Variants in PRKAR2A observed in about 807,000 individuals in gnomAD.
PRKAR2A encodes the protein cAMP-dependent protein kinase type II-alpha regulatory subunit.
Under a neutral mutation model 51.9 loss-of-function variants are expected in PRKAR2A, and 29 were observed. The observed-to-expected ratio is 0.56, with a 90% CI of 0.42 to 0.76. The LOEUF is 0.76. Ranked by LOEUF, PRKAR2A falls within the 30% of genes least tolerant of loss-of-function variation. The pLI is 0.00. For missense variants in PRKAR2A, 445 were observed against 512.1 expected, an observed-to-expected ratio of 0.87 and a Z score of 1.26; for synonymous variants, 178 against 186.2, an observed-to-expected ratio of 0.96 and a Z score of 0.36.
intron 6 of PRKAR2A, among the ~76,000 whole-genome samples, chr3:48,769,327 T>G (rs1403284223): frequency 2.0e-5 from 3 of 150,996 alleles, no homozygotes; most frequent in Non-Finnish European, 3.0e-5. Context: ...CCGGCTAATT[T>G]TTTGTATTTT....
At chr3:48,762,801 T>C (rs949614299) in intron 8 of PRKAR2A, among the ~76,000 whole-genome samples, 32 of 152,088 alleles carry the variant, frequency 2.1e-4, no homozygotes, top group African/African-American at 7.5e-4. Flanking sequence ...TGAAATATTA[T>C]TAGCAATAAA....
intron 3 of PRKAR2A, among the ~76,000 whole-genome samples, chr3:48,793,011 AC>A (rs1201035950): frequency 6.6e-6 from 1 of 150,964 alleles, no homozygotes; most frequent in Admixed American, 6.6e-5. Flanking sequence ...TTTTAAAAGC[AC>A]CCAAAAATCA....
intron 1 of PRKAR2A, among the ~76,000 whole-genome samples, chr3:48,843,299 T>A (rs1362887292): frequency 6.6e-6 from 1 of 152,056 alleles, no homozygotes; most frequent in Non-Finnish European, 1.5e-5. Flanking sequence ...ATTCTTCTCT[T>A]TTTTTCTTTA....
At chr3:48,783,943 A>G (rs2082248101) in intron 4 of PRKAR2A, among the ~76,000 whole-genome samples, 1 of 152,104 alleles carries the variant, frequency 6.6e-6, no homozygotes, top group African/African-American at 2.4e-5. Flanking sequence ...AATTTTTATG[A>G]CCAAAGGAAA....
intron 6 of PRKAR2A, among the ~76,000 whole-genome samples, chr3:48,770,927 C>T (rs1352116596): frequency 6.6e-6 from 1 of 152,178 alleles, no homozygotes; most frequent in Non-Finnish European, 1.5e-5. Flanking sequence ...TAGAGATTAT[C>T]CAAGAATGGG....
intron 2 of PRKAR2A, among the ~76,000 whole-genome samples, chr3:48,796,547 T>A (rs2082493986): frequency 6.6e-6 from 1 of 152,076 alleles, no homozygotes; most frequent in East Asian, 1.9e-4. Flanking sequence ...CAGGCTGGAG[T>A]GCAGTGGTGT....
At chr3:48,832,934 AT>A (rs895881147) in intron 1 of PRKAR2A, among the ~76,000 whole-genome samples, 2 of 152,140 alleles carry the variant, frequency 1.3e-5, no homozygotes, top group Non-Finnish European at 2.9e-5. Context: ...CAGTCTCCAG[AT>A]TGTGCAAATA....
chr3:48,761,139 G>A (rs980053706), intron 8 of PRKAR2A, among the ~76,000 whole-genome samples: 43 of 152,066 alleles, frequency 2.8e-4, no homozygotes, highest in South Asian at 8.3e-4. Context: ...AAAATTAGCC[G>A]GACGTGGTGG....
intron 1 of PRKAR2A, among the ~76,000 whole-genome samples, chr3:48,810,849 T>A (rs578234034): frequency 6.6e-6 from 1 of 152,106 alleles, no homozygotes. Context: ...CAAACCTCTA[T>A]GTAGCCATTT....
chr3:48,839,599 G>A (rs2107462517), intron 1 of PRKAR2A, among the ~76,000 whole-genome samples: 1 of 152,182 alleles, frequency 6.6e-6, no homozygotes, highest in Non-Finnish European at 1.5e-5. Flanking sequence ...TGTCCTGTTT[G>A]ATATTAAAGC....
intron 4 of PRKAR2A, among the ~76,000 whole-genome samples, chr3:48,788,670 CT>C (rs1190257645): frequency 3.3e-5 from 5 of 152,060 alleles, no homozygotes; most frequent in Admixed American, 1.3e-4. Context: ...ATTAGTTCCC[CT>C]ATAAAGGAAA....
At chr3:48,841,128 C>A (rs371325802) in intron 1 of PRKAR2A, among the ~76,000 whole-genome samples, 2 of 151,278 alleles carry the variant, frequency 1.3e-5, no homozygotes, top group Non-Finnish European at 2.9e-5. Context: ...TCAGGTGATC[C>A]GCCCGCCTCG....
intron 9 of PRKAR2A, 131 bp downstream of exon 9, chr3:48,756,248 A>T: frequency 1.4e-6 from 1 of 738,972 alleles, no homozygotes. Context: ...AATGGGCTTA[A>T]ACATGGGTCT....
At chr3:48,803,407 ACTGT>A (rs2082621401) in intron 2 of PRKAR2A, among the ~76,000 whole-genome samples, 1 of 152,048 alleles carries the variant, frequency 6.6e-6, no homozygotes, top group African/African-American at 2.4e-5. Context: ...AGAAGGAGAC[ACTGT>A]CTTTCTTATT....
intron 8 of PRKAR2A, 139 bp downstream of exon 8, chr3:48,764,865 T>C (rs2081915167): frequency 3.0e-6 from 2 of 669,682 alleles, no homozygotes; most frequent in Non-Finnish European, 5.1e-6. Context: ...CCTCAAGTGA[T>C]CCACCTGCCT....
chr3:48,762,407 T>C (rs2081877116), intron 8 of PRKAR2A, among the ~76,000 whole-genome samples: 1 of 152,186 alleles, frequency 6.6e-6, no homozygotes, highest in Non-Finnish European at 1.5e-5. Flanking sequence ...ATTGCACTCT[T>C]AAGTATTTAC....
intron 5 of PRKAR2A, among the ~76,000 whole-genome samples, chr3:48,777,455 G>C (rs538161431): frequency 6.6e-6 from 1 of 152,268 alleles, no homozygotes; most frequent in South Asian, 2.1e-4. Flanking sequence ...GCCCAGGCTG[G>C]AGTGCAGTGG....
intron 4 of PRKAR2A, among the ~76,000 whole-genome samples, chr3:48,783,530 T>C (rs2082236313): frequency 1.3e-5 from 2 of 152,108 alleles, no homozygotes; most frequent in South Asian, 4.1e-4. Context: ...ACAGCACAAC[T>C]TTTGACTAGC....
chr3:48,810,248 ACACACG>A (rs2082749543), intron 1 of PRKAR2A, among the ~76,000 whole-genome samples: 2 of 152,130 alleles, frequency 1.3e-5, no homozygotes, highest in Non-Finnish European at 2.9e-5. Flanking sequence ...GTACACACAC[ACACACG>A]TATAGATGAA....
Sources: allele counts gnomAD v4.1 joint callset (sites outside exome capture counted in the v4.1 genomes callset), GRCh38; gene constraint gnomAD v4.1.1; transcripts MANE v1.5; gene names NCBI Gene and HGNC (gene_info 2026-07-23, HGNC 2026-07-21).